The following ASIC2 variants were observed in gnomAD, a reference collection of about 807,000 sequenced individuals.
ASIC2 encodes the protein acid sensing ion channel subunit 2.
Under a neutral mutation model 57.3 loss-of-function variants are expected in ASIC2, and 25 were observed. The observed-to-expected ratio is 0.44, with a 90% CI of 0.32 to 0.61. ASIC2 has a LOEUF of 0.61. Among genes scored for constraint, ASIC2 ranks in the 20% least tolerant of loss-of-function variants. The probability of loss-of-function intolerance (pLI) is 0.06; values close to 1 mark genes in which losing one functional copy is unlikely to be tolerated. For synonymous variants in ASIC2, 319 were observed against 307.5 expected (o/e 1.04, Z -0.39); for missense variants, 641 against 738.1 (o/e 0.87, Z 1.52).
intron 1 of ASIC2, among the ~76,000 whole-genome samples, chr17:33,894,141 G>A (rs1252674987): frequency 6.6e-6 from 1 of 152,196 alleles, no homozygotes. Context: ...TAGGATGATA[G>A]GGCTTGATGA....
intron 1 of ASIC2, among the ~76,000 whole-genome samples, chr17:33,678,211 ACTG>A (rs2142055755): frequency 6.6e-6 from 1 of 152,252 alleles, no homozygotes; most frequent in South Asian, 2.1e-4. Flanking sequence ...TTTTAGACAT[ACTG>A]CTATTGCACA....
At chr17:33,512,532 A>G (rs184133461) in intron 1 of ASIC2, among the ~76,000 whole-genome samples, 17 of 152,344 alleles carry the variant, frequency 1.1e-4, no homozygotes, top group African/African-American at 3.8e-4. Context: ...ATGAGCATTT[A>G]GAAAAATAAA....
At chr17:34,038,286 G>A in intron 1 of ASIC2, 1 of 1,610,368 alleles carries the variant, frequency 6.2e-7, no homozygotes, top group Non-Finnish European at 8.5e-7. Context: ...TAGAAGTCCA[G>A]ATCATTTCCC....
chr17:34,005,448 C>T (rs1188304608), intron 1 of ASIC2: 1 of 142,596 alleles, frequency 7.0e-6, no homozygotes, highest in Non-Finnish European at 1.5e-5. Flanking sequence ...TACTGAACAC[C>T]TTTTTCTCTC....
intron 1 of ASIC2, among the ~76,000 whole-genome samples, chr17:33,778,864 T>C (rs1911362653): frequency 6.6e-6 from 1 of 152,202 alleles, no homozygotes; most frequent in South Asian, 2.1e-4. Flanking sequence ...CTCACCAAGC[T>C]GGCCCCTACT....
intron 1 of ASIC2, among the ~76,000 whole-genome samples, chr17:33,406,026 T>TA (rs1567850629): frequency 6.6e-6 from 1 of 151,754 alleles, no homozygotes; most frequent in East Asian, 2.0e-4. Flanking sequence ...GCTCTTTCCA[T>TA]GAAAAAAAAC....
intron 1 of ASIC2, among the ~76,000 whole-genome samples, chr17:33,859,603 G>C (rs1355511471): frequency 2.0e-5 from 3 of 152,206 alleles, no homozygotes; most frequent in African/African-American, 7.2e-5. Flanking sequence ...AGTGGAGAAG[G>C]TATTGACTGG....
At chr17:33,834,604 GGAA>G (rs1383361019) in intron 1 of ASIC2, 3 of 152,122 alleles carry the variant, frequency 2.0e-5, no homozygotes, top group Non-Finnish European at 4.4e-5. Flanking sequence ...GGTTTAACAT[GGAA>G]GAAGGGAAAA....
chr17:33,140,848 G>T (rs55817422), intron 1 of ASIC2, among the ~76,000 whole-genome samples: 23,442 of 152,278 alleles, frequency 0.15, 2,346 homozygotes, highest in Non-Finnish European at 0.21. Flanking sequence ...AGCCCAGCCA[G>T]GGCTGCCTCA....
At chr17:34,048,953 G>A (rs572330509) in intron 1 of ASIC2, among the ~76,000 whole-genome samples, 1 of 152,272 alleles carries the variant, frequency 6.6e-6, no homozygotes, top group South Asian at 2.1e-4. Flanking sequence ...CGTCCCTCCT[G>A]ATGGGTATAT....
chr17:33,195,743 G>T (rs1244497753), intron 1 of ASIC2, among the ~76,000 whole-genome samples: 1 of 152,172 alleles, frequency 6.6e-6, no homozygotes, highest in Non-Finnish European at 1.5e-5. Context: ...CTTGCCGAAG[G>T]TCATGCAGCT....
chr17:34,010,807 A>G (rs1467076917), intron 1 of ASIC2, among the ~76,000 whole-genome samples: 1 of 151,788 alleles, frequency 6.6e-6, no homozygotes, highest in Admixed American at 6.6e-5. Flanking sequence ...CACTGATTCA[A>G]GTGGCTACAA....
intron 1 of ASIC2, among the ~76,000 whole-genome samples, chr17:33,512,945 A>G (rs1914469072): frequency 6.6e-6 from 1 of 152,216 alleles, no homozygotes; most frequent in Non-Finnish European, 1.5e-5. Flanking sequence ...CAGGGAAGGG[A>G]AGTGACTTGG....
At chr17:33,572,119 T>A (rs1916466421) in intron 1 of ASIC2, 2 of 152,242 alleles carry the variant, frequency 1.3e-5, no homozygotes. Context: ...TGGGTGGGAT[T>A]GCTGTGCATA....
At chr17:34,095,613 A>ATATATATATATATATATAATTT (rs1567818806) in intron 1 of ASIC2, among the ~76,000 whole-genome samples, 3 of 83,178 alleles carry the variant, frequency 3.6e-5, no homozygotes, top group East Asian at 2.4e-4. Context: ...AATTTTATAT[A>ATATATATATATATATATAATTT]TATATATATA....
At chr17:33,387,243 T>G (rs1000732541) in intron 1 of ASIC2, among the ~76,000 whole-genome samples, 3 of 152,198 alleles carry the variant, frequency 2.0e-5, no homozygotes, top group Non-Finnish European at 4.4e-5. Flanking sequence ...ACAAGTACTC[T>G]TCTATCTCCA....
chr17:34,028,313 C>T (rs1450487155), intron 1 of ASIC2, among the ~76,000 whole-genome samples: 1 of 152,176 alleles, frequency 6.6e-6, no homozygotes, highest in Non-Finnish European at 1.5e-5. Flanking sequence ...GTTCTTGCTG[C>T]AAATTAAAGA....
chr17:33,512,802 G>A (rs760881048), intron 1 of ASIC2, among the ~76,000 whole-genome samples: 1 of 152,188 alleles, frequency 6.6e-6, no homozygotes, highest in Non-Finnish European at 1.5e-5. Flanking sequence ...CCAGCAAAAG[G>A]CCTGTCAATA....
chr17:33,381,017 G>A (rs966696054), intron 1 of ASIC2, among the ~76,000 whole-genome samples: 1 of 152,156 alleles, frequency 6.6e-6, no homozygotes, highest in African/African-American at 2.4e-5. Context: ...AAGAAGAGCT[G>A]GAATCTCGGC....
Sources: gnomAD v4.1 joint callset for allele counts (sites outside exome capture counted in the v4.1 genomes callset) on GRCh38, gnomAD v4.1.1 for gene constraint, MANE v1.5 for transcripts, NCBI Gene and HGNC (gene_info 2026-07-23, HGNC 2026-07-21) for gene names.